PSD3: variants seen among roughly 807,000 people sequenced by gnomAD.
PSD3 encodes the protein pleckstrin and Sec7 domain containing 3, also known as PH and SEC7 domain-containing protein 3.
Under a neutral mutation model 105.5 loss-of-function variants are expected in PSD3, and 49 were observed. The observed-to-expected ratio is 0.46, with a 90% CI of 0.37 to 0.59. The LOEUF (loss-of-function observed/expected upper bound fraction) is 0.59, where lower values mean the gene tolerates loss of function less well. Among genes scored for constraint, PSD3 ranks in the 20% least tolerant of loss-of-function variants. The probability of loss-of-function intolerance (pLI) is 0.00; values close to 1 mark genes in which losing one functional copy is unlikely to be tolerated. For synonymous variants in PSD3, 557 were observed against 457.8 expected (o/e 1.22, Z -2.77); for missense variants, 1,561 against 1,263.8 (o/e 1.24, Z -3.57).
chr8:18,659,738 G>C (rs1809194493), intron 9 of PSD3, among the ~76,000 whole-genome samples: 1 of 152,204 alleles, frequency 6.6e-6, no homozygotes, highest in South Asian at 2.1e-4. Context: ...CTTTGTTGGT[G>C]AGGATGATGG....
At chr8:18,844,291 T>C (rs188414051) in intron 4 of PSD3, among the ~76,000 whole-genome samples, 2 of 152,300 alleles carry the variant, frequency 1.3e-5, no homozygotes, top group Admixed American at 1.3e-4. Context: ...ATTCTAAAGA[T>C]GGTGAAATTT....
chr8:18,709,935 C>T (rs1802146038), intron 9 of PSD3, among the ~76,000 whole-genome samples: 1 of 152,180 alleles, frequency 6.6e-6, no homozygotes, highest in Non-Finnish European at 1.5e-5. Context: ...GGTGCCTCTT[C>T]TCCTCCAAAT....
intron 4 of PSD3, among the ~76,000 whole-genome samples, chr8:18,847,236 C>T (rs1377369717): frequency 1.3e-5 from 2 of 152,182 alleles, no homozygotes; most frequent in African/African-American, 4.8e-5. Flanking sequence ...TGATCTCCTA[C>T]TGTCCTGGTG....
chr8:18,640,587 C>T (rs1429393942), intron 10 of PSD3, among the ~76,000 whole-genome samples: 1 of 152,186 alleles, frequency 6.6e-6, no homozygotes. Context: ...TGTTTCCTTC[C>T]CCTTCTGCCA....
intron 3 of PSD3, 27 bp from the exon 4 acceptor site, chr8:18,868,096 T>A: frequency 1.3e-6 from 2 of 1,556,988 alleles, no homozygotes; most frequent in Non-Finnish European, 1.7e-6. Context: ...AGTGAAGAAT[T>A]CCAATATTAG....
At chr8:18,582,334 T>A (rs146331755) in intron 12 of PSD3, among the ~76,000 whole-genome samples, 3 of 152,120 alleles carry the variant, frequency 2.0e-5, no homozygotes, top group African/African-American at 7.2e-5. Flanking sequence ...CAATTCCCTA[T>A]CTTACCTTTT....
At chr8:18,866,433 A>C (rs1007980471) in intron 4 of PSD3, among the ~76,000 whole-genome samples, 2 of 152,154 alleles carry the variant, frequency 1.3e-5, no homozygotes, top group Non-Finnish European at 2.9e-5. Context: ...GTCTCTATTA[A>C]CCCTTTAAAT....
chr8:19,065,292 G>T (rs927181001), intron 1 of PSD3, among the ~76,000 whole-genome samples: 4 of 152,102 alleles, frequency 2.6e-5, no homozygotes, highest in African/African-American at 9.7e-5. Context: ...TGTGTGTGGT[G>T]GGAAGTTTCT....
intron 9 of PSD3, among the ~76,000 whole-genome samples, chr8:18,741,596 ACT>A (rs925358051): frequency 1.4e-4 from 22 of 152,172 alleles, no homozygotes; most frequent in Admixed American, 1.2e-3. Context: ...TCATCTATAG[ACT>A]CTACTCTTGT....
At chr8:19,006,878 C>A (rs186028702) in intron 1 of PSD3, among the ~76,000 whole-genome samples, 1 of 152,140 alleles carries the variant, frequency 6.6e-6, no homozygotes, top group East Asian at 1.9e-4. Context: ...TATAGCACTG[C>A]CCACCTGATT....
chr8:19,053,843 G>A (rs556997528), intron 1 of PSD3, among the ~76,000 whole-genome samples: 5 of 152,228 alleles, frequency 3.3e-5, no homozygotes, highest in South Asian at 2.1e-4. Context: ...AAAAGTGCCC[G>A]GAAGAGAAGG....
chr8:18,681,415 T>G (rs1198681251), intron 9 of PSD3, among the ~76,000 whole-genome samples: 3 of 129,936 alleles, frequency 2.3e-5, no homozygotes, highest in Non-Finnish European at 4.7e-5. Context: ...GAGACCAACC[T>G]GGGCAACATA....
chr8:18,543,479 G>A (rs1051813653), intron 15 of PSD3, among the ~76,000 whole-genome samples: 4 of 152,046 alleles, frequency 2.6e-5, no homozygotes, highest in Admixed American at 6.5e-5. Context: ...TTAGCCAGGC[G>A]TGGTGGCAGG....
intron 1 of PSD3, among the ~76,000 whole-genome samples, chr8:18,963,993 TAGTA>T (rs1824089128): frequency 6.6e-6 from 1 of 152,234 alleles, no homozygotes; most frequent in South Asian, 2.1e-4. Flanking sequence ...AATAATGTCT[TAGTA>T]AGAAGACAGC....
chr8:18,721,741 T>C (rs1210190557), intron 9 of PSD3, among the ~76,000 whole-genome samples: 1 of 152,212 alleles, frequency 6.6e-6, no homozygotes, highest in Non-Finnish European at 1.5e-5. Context: ...TGTAACTGTT[T>C]ACTAAATCGT....
At chr8:18,964,873 G>C (rs560662628) in intron 1 of PSD3, among the ~76,000 whole-genome samples, 6 of 152,266 alleles carry the variant, frequency 3.9e-5, no homozygotes, top group Admixed American at 3.3e-4. Flanking sequence ...AATTATTTGT[G>C]TGGCCTTCAG....
At chr8:18,696,428 A>AAGG (rs1801264618) in intron 9 of PSD3, among the ~76,000 whole-genome samples, 1 of 152,226 alleles carries the variant, frequency 6.6e-6, no homozygotes, top group Non-Finnish European at 1.5e-5. Context: ...AGGAGCTTGG[A>AAGG]TTCAATGTTG....
At chr8:18,918,623 G>C (rs1323249161) in intron 2 of PSD3, among the ~76,000 whole-genome samples, 1 of 152,156 alleles carries the variant, frequency 6.6e-6, no homozygotes, top group Non-Finnish European at 1.5e-5. Context: ...AAAAAACTAG[G>C]CCTCTTGATT....
intron 1 of PSD3, among the ~76,000 whole-genome samples, chr8:19,052,287 C>T (rs540619984): frequency 6.6e-6 from 1 of 152,168 alleles, no homozygotes; most frequent in South Asian, 2.1e-4. Flanking sequence ...TTCTGACTAA[C>T]ACAGTGAAAC....
Sources: gnomAD v4.1 joint callset for allele counts (sites outside exome capture counted in the v4.1 genomes callset) on GRCh38, gnomAD v4.1.1 for gene constraint, MANE v1.5 for transcripts, NCBI Gene and HGNC (gene_info 2026-07-23, HGNC 2026-07-21) for gene names.